Variants in ADAMTS9 observed in about 807,000 individuals in gnomAD.
ADAMTS9 encodes A disintegrin and metalloproteinase with thrombospondin motifs 9.
Under a neutral mutation model 257.1 loss-of-function variants are expected in ADAMTS9, and 107 were observed. The ratio of observed to expected loss-of-function variants is 0.42; its 90% CI spans 0.36 to 0.49. The LOEUF (loss-of-function observed/expected upper bound fraction) is 0.49, where lower values mean the gene tolerates loss of function less well. Among genes scored for constraint, ADAMTS9 ranks in the 20% least tolerant of loss-of-function variants. The probability of loss-of-function intolerance (pLI) is 0.03; values close to 1 mark genes in which losing one functional copy is unlikely to be tolerated. For missense variants in ADAMTS9, 2,353 were observed against 2,469.1 expected, an observed-to-expected ratio of 0.95 and a Z score of 1.00; for synonymous variants, 982 against 880.9, an observed-to-expected ratio of 1.11 and a Z score of -2.03.
At chr3:64,585,654 A>G (rs2084128922) in intron 28 of ADAMTS9, among the ~76,000 whole-genome samples, 1 of 152,302 alleles carries the variant, frequency 6.6e-6, no homozygotes, top group Non-Finnish European at 1.5e-5. Flanking sequence ...ACAGATGTAA[A>G]GTCACCTGAC....
intron 27 of ADAMTS9, 106 bp from the exon 28 acceptor site, chr3:64,594,540 GGTAAGCCTCTGACA>G: frequency 7.1e-7 from 1 of 1,402,638 alleles, no homozygotes; most frequent in South Asian, 1.3e-5. Context: ...CATTGGGCAA[GGTAAGCCTCTGACA>G]GATGGAACCA....
chr3:64,653,645 G>A (rs57178822), intron 8 of ADAMTS9, among the ~76,000 whole-genome samples: 32,038 of 151,944 alleles, frequency 0.21, 3,977 homozygotes, highest in East Asian at 0.54. Flanking sequence ...AAATTATTTC[G>A]AAATAGATAG....
At chr3:64,682,523 C>A (rs1182994431) in intron 2 of ADAMTS9, among the ~76,000 whole-genome samples, 1 of 152,124 alleles carries the variant, frequency 6.6e-6, no homozygotes, top group East Asian at 1.9e-4. Context: ...TGAAAAATTC[C>A]CCATGCCAAG....
At position 64,633,703 on chromosome 3, in the gene ADAMTS9, C is replaced by A; in HGVS notation, c.2033G>T (p.Ser678Ile). 6.2e-7 allele frequency: 1 copy of A among 1,613,804 alleles called. No homozygotes were observed. Among genetic ancestry groups the A allele is most frequent in the Non-Finnish European group, 8.5e-7 (1 of 1,179,948 alleles). The change falls in exon 13 of 40, where the codon AGT (serine) becomes ATT (isoleucine). Residue 678 changes from serine to isoleucine, a missense_variant. Ser to Ile is a moderately radical substitution (Grantham distance 142, BLOSUM62 -2). This residue lies in a region of ADAMTS9 where 360 missense variants were observed against 458.1 expected (regional missense o/e 0.79). Coordinates refer to ENST00000498707, the MANE Select transcript of ADAMTS9 (RefSeq NM_182920.2). The part of the protein sequence containing the change: ...LPNVRWVPKY[S>I]GILMKDRCKL... The stretch of plus-strand genomic sequence containing the variant: ...GATACACCAGACACACTTACTTCCA[C>A]TGTATTTAGGGACCCAGCGCACATT...
chr3:64,542,048 C>A, intron 32 of ADAMTS9, 78 bp from the exon 33 acceptor site: 2 of 1,577,248 alleles, frequency 1.3e-6, no homozygotes, highest in South Asian at 1.2e-5. Context: ...GAGCTCAGAG[C>A]CCTGATGTCA....
chr3:64,596,885 T>C lies in ADAMTS9; in HGVS notation c.4124A>G (p.Gln1375Arg). 6.2e-7 allele frequency: 1 copy of C among 1,614,064 alleles called. No individual in the cohort carries two copies. Among genetic ancestry groups the C allele is most frequent in the South Asian group, 1.1e-5 (1 of 91,078 alleles). Residue 1375 changes from glutamine (Q) to arginine (R), a missense_variant, in exon 27 of 40, where the codon CAA becomes CGA. By Grantham distance (43) the Gln-to-Arg change is conservative (BLOSUM62 1). Coordinates refer to ENST00000498707, the MANE Select transcript of ADAMTS9 (RefSeq NM_182920.2). ...DCVERIKPDEQRACESGPCPQ... is the reference protein window; with the variant it reads ...DCVERIKPDERRACESGPCPQ... ...ACAAGGGCCGGATTCACAGGCTCTTTGCTCATCAGGTTTTATTCTCTCCAC... is the reference window on the plus strand; with the variant it reads ...ACAAGGGCCGGATTCACAGGCTCTTCGCTCATCAGGTTTTATTCTCTCCAC...
intron 16 of ADAMTS9, among the ~76,000 whole-genome samples, chr3:64,624,570 T>A (rs1368857594): frequency 6.6e-6 from 1 of 152,200 alleles, no homozygotes; most frequent in Non-Finnish European, 1.5e-5. Flanking sequence ...AGAGAGCTTA[T>A]TGGGAAAGTT....
chr3:64,546,012 G>A (rs545015356), intron 32 of ADAMTS9, among the ~76,000 whole-genome samples: 21 of 152,328 alleles, frequency 1.4e-4, no homozygotes, highest in Non-Finnish European at 2.9e-4. Flanking sequence ...GTGCAATGAA[G>A]TATTTCTTAC....
chr3:64,684,999 A>T (rs1576194193), intron 2 of ADAMTS9: 1 of 152,120 alleles, frequency 6.6e-6, no homozygotes, highest in Admixed American at 6.5e-5. Flanking sequence ...TTAACCTTTC[A>T]AGGACCAGAA....
chr3:64,572,774 C>T (rs957172183), intron 28 of ADAMTS9, among the ~76,000 whole-genome samples: 1 of 152,034 alleles, frequency 6.6e-6, no homozygotes, highest in African/African-American at 2.4e-5. Context: ...CTGGAAGATG[C>T]AGGGGCTTAG....
chr3:64,521,300 G>A (rs951281341), intron 39 of ADAMTS9, among the ~76,000 whole-genome samples: 1 of 152,126 alleles, frequency 6.6e-6, no homozygotes, highest in Non-Finnish European at 1.5e-5. Context: ...AAAGATAACA[G>A]ATATTGGTGA....
rs117481490 is a variant in ADAMTS9 at position 64,554,059 on chromosome 3, A to G, written c.4699-2997T>C. On this transcript the variant is annotated intron_variant, in intron 30 of 39. Coordinates refer to ENST00000498707, the MANE Select transcript of ADAMTS9 (RefSeq NM_182920.2). ...AATTAGGACTTAGGTGACTCTGAGA[A>G]GATCCTAATTATTGCGCAGCTAAAC... Among the ~76,000 whole-genome samples the G allele has an allele frequency of 1.5e-3, 221 of 152,344 alleles. 4 individuals carry two copies. The East Asian group carries it at 0.041, about 28-fold the overall frequency.
intron 16 of ADAMTS9, 108 bp downstream of exon 16, chr3:64,631,347 C>T: frequency 1.2e-6 from 1 of 854,970 alleles, no homozygotes; most frequent in Non-Finnish European, 1.9e-6. Context: ...TATGAAAATC[C>T]ATGACATCTG....
At chr3:64,613,633 A>G (rs865849686) in intron 21 of ADAMTS9, 124 bp from the exon 22 acceptor site, 9 of 868,126 alleles carry the variant, frequency 1.0e-5, no homozygotes, top group Non-Finnish European at 1.5e-5. Context: ...TCCCATAGCA[A>G]TTTGTAAATA....
intron 22 of ADAMTS9, among the ~76,000 whole-genome samples, chr3:64,608,355 A>G (rs1310500794): frequency 6.6e-6 from 1 of 151,908 alleles, no homozygotes; most frequent in East Asian, 1.9e-4. Flanking sequence ...AAAAAAATCA[A>G]CAGAACCAGA....
intron 9 of ADAMTS9, chr3:64,650,424 G>T (rs1157583255): frequency 6.5e-6 from 1 of 152,742 alleles, no homozygotes; most frequent in Admixed American, 6.6e-5. Context: ...TGACACAGGG[G>T]CATTGTATAA....
intron 28 of ADAMTS9, chr3:64,592,902 G>A (rs532591719): frequency 2.0e-5 from 3 of 152,222 alleles, no homozygotes; most frequent in African/African-American, 7.2e-5. Context: ...ATGAGCTTAA[G>A]AGGGAATTTC....
chr3:64,533,217 G>A lies in ADAMTS9; in HGVS notation c.5667C>T (p.Ala1889=), dbSNP rs1414960939. ...CATAATTCCCTTGTGATATCCATCT[G>A]GCAGATTCAGTTAAAGACAAGCCGG... is the stretch of plus-strand genomic sequence containing the variant. ...YGTGLSLTES[A]RWISQGNYAV... is the part of the protein sequence containing the mutation. Residue 1889 remains alanine, a synonymous_variant, in exon 38 of 40, where the codon GCC becomes GCT. Transcript: ENST00000498707. The A allele has an allele frequency of 6.2e-7, 1 of 1,614,108 alleles. No individual in the cohort carries two copies.
intron 11 of ADAMTS9, among the ~76,000 whole-genome samples, chr3:64,643,730 G>C (rs1327214926): frequency 6.6e-6 from 1 of 151,448 alleles, no homozygotes; most frequent in East Asian, 1.9e-4. Flanking sequence ...CTCCCAAACT[G>C]CTGGGATTAC....
Sources: gnomAD v4.1 joint callset for allele counts (sites outside exome capture counted in the v4.1 genomes callset) on GRCh38, gnomAD v4.1.1 for gene constraint, gnomAD v4.1.1 regional missense constraint, MANE v1.5 for transcripts, NCBI Gene and HGNC (gene_info 2026-07-23, HGNC 2026-07-21) for gene names.